The following RTL4 variants were observed in gnomAD, a reference collection of about 807,000 sequenced individuals.
RTL4 encodes the protein retrotransposon Gag-like protein 4.
Under a neutral mutation model 5.3 loss-of-function variants are expected in RTL4, and 4 were observed. The observed-to-expected ratio is 0.75, with a 90% CI of 0.37 to 1.72. The LOEUF is 1.72. Among genes scored for constraint, RTL4 ranks in the 40% most tolerant of loss-of-function variants. The pLI is 0.04. For synonymous variants in RTL4, 98 were observed against 87.3 expected, an observed-to-expected ratio of 1.12 and a Z score of -0.68; for missense variants, 260 against 227.1, an observed-to-expected ratio of 1.14 and a Z score of -0.93.
At chrX:112,306,620 G>A in the RTL4 span, among the ~76,000 whole-genome samples, 1 of 111,264 alleles carries the variant, frequency 9.0e-6, no homozygotes, top group Admixed American at 9.7e-5. Flanking sequence ...AGCGTGAGAA[G>A]TAATCAGTTA....
the RTL4 span, among the ~76,000 whole-genome samples, chrX:112,196,336 G>A: frequency 1.8e-5 from 2 of 111,452 alleles, no homozygotes; most frequent in African/African-American, 6.5e-5. Context: ...TTATTGCTGA[G>A]TAGTAGTCCG....
the RTL4 span, among the ~76,000 whole-genome samples, chrX:112,376,012 T>C: frequency 1.8e-5 from 2 of 111,626 alleles, no homozygotes; most frequent in African/African-American, 3.3e-5. Flanking sequence ...TAAGAAGTCA[T>C]AATACCTGGC....
chrX:112,337,514 C>G, the RTL4 span, among the ~76,000 whole-genome samples: 2 of 111,363 alleles, frequency 1.8e-5, no homozygotes, highest in African/African-American at 6.5e-5. Context: ...AACTCCAGAC[C>G]TGAGGTGATC....
chrX:112,379,747 A>G, the RTL4 span, among the ~76,000 whole-genome samples: 3 of 111,771 alleles, frequency 2.7e-5, no homozygotes. Context: ...CACACTTTTT[A>G]TGCATCTATT....
chrX:112,221,531 G>A, the RTL4 span, among the ~76,000 whole-genome samples: 38 of 111,845 alleles, frequency 3.4e-4, no homozygotes, highest in Admixed American at 3.6e-3. Context: ...GGAAAGATGG[G>A]CACCAACAGC....
At chrX:112,328,789 A>G in the RTL4 span, among the ~76,000 whole-genome samples, 1 of 112,163 alleles carries the variant, frequency 8.9e-6, no homozygotes, top group Admixed American at 9.5e-5. Flanking sequence ...GTGAAAGAAC[A>G]GAAATTATAA....
the RTL4 span, among the ~76,000 whole-genome samples, chrX:112,345,102 C>A: frequency 1.2e-4 from 13 of 111,397 alleles, no homozygotes; most frequent in African/African-American, 4.2e-4. Context: ...GGGACACAGT[C>A]AAACCATATC....
chrX:112,390,106 AAT>A, the RTL4 span, among the ~76,000 whole-genome samples: 307 of 17,085 alleles, frequency 0.018, no homozygotes, highest in Non-Finnish European at 0.022. Flanking sequence ...ATTTATATAT[AAT>A]ATATATATAT....
the RTL4 span, among the ~76,000 whole-genome samples, chrX:112,120,751 C>A: frequency 9.0e-6 from 1 of 111,413 alleles, no homozygotes; most frequent in Non-Finnish European, 1.9e-5. Flanking sequence ...GTTAAAAATT[C>A]TTTTCAGCAA....
chrX:112,351,509 T>C, the RTL4 span, among the ~76,000 whole-genome samples: 1 of 107,248 alleles, frequency 9.3e-6, no homozygotes, highest in Non-Finnish European at 1.9e-5. Context: ...TCTAAGTCTC[T>C]TTGTAGGTCA....
At chrX:112,424,560 C>T in the RTL4 span, among the ~76,000 whole-genome samples, 1 of 111,106 alleles carries the variant, frequency 9.0e-6, no homozygotes, top group Non-Finnish European at 1.9e-5. Context: ...AAGGTTGCAA[C>T]TAATCTGAAG....
chrX:112,282,930 AACTTTG>A, the RTL4 span, among the ~76,000 whole-genome samples: 1 of 111,668 alleles, frequency 9.0e-6, no homozygotes, highest in Non-Finnish European at 1.9e-5. Context: ...GTGTATGTGA[AACTTTG>A]ATACTTTTTT....
chrX:112,389,244 T>G, the RTL4 span, among the ~76,000 whole-genome samples: 1 of 109,405 alleles, frequency 9.1e-6, no homozygotes, highest in Non-Finnish European at 1.9e-5. Flanking sequence ...TGGTAACATT[T>G]CCTTCATCAT....
chrX:112,333,751 G>C, the RTL4 span, among the ~76,000 whole-genome samples: 1 of 111,002 alleles, frequency 9.0e-6, no homozygotes, highest in Non-Finnish European at 1.9e-5. Flanking sequence ...TCACATCATG[G>C]GGAATGGGGT....
the RTL4 span, among the ~76,000 whole-genome samples, chrX:112,440,478 A>T: frequency 3.6e-5 from 4 of 111,731 alleles, no homozygotes; most frequent in Admixed American, 1.9e-4. Flanking sequence ...TAAAAGATAC[A>T]TCACTCCTGA....
At chrX:112,411,326 G>A in the RTL4 span, among the ~76,000 whole-genome samples, 1 of 111,301 alleles carries the variant, frequency 9.0e-6, no homozygotes, top group African/African-American at 3.3e-5. Context: ...AAATTGAGGA[G>A]GAGAGAATCC....
the RTL4 span, among the ~76,000 whole-genome samples, chrX:112,177,043 T>A: frequency 9.0e-6 from 1 of 110,940 alleles, no homozygotes; most frequent in South Asian, 3.8e-4. Flanking sequence ...TTATATATAC[T>A]ATGGTGTTGG....
chrX:112,193,038 AC>A, the RTL4 span, among the ~76,000 whole-genome samples: 1 of 111,770 alleles, frequency 8.9e-6, no homozygotes, highest in African/African-American at 3.2e-5. Context: ...TCCTTGGTTG[AC>A]AGGTTTTTTA....
the RTL4 span, among the ~76,000 whole-genome samples, chrX:112,166,482 T>G: frequency 9.0e-6 from 1 of 111,574 alleles, no homozygotes; most frequent in Non-Finnish European, 1.9e-5. Flanking sequence ...TTTTTGGAGA[T>G]CCCAACTATC....
Sources: allele counts gnomAD v4.1 joint callset (sites outside exome capture counted in the v4.1 genomes callset), GRCh38; gene constraint gnomAD v4.1.1; transcripts MANE v1.5; gene names NCBI Gene and HGNC (gene_info 2026-07-23, HGNC 2026-07-21).